The following CAMK2A variants were observed in gnomAD, a reference collection of about 807,000 sequenced individuals.
CAMK2A encodes calcium/calmodulin-dependent protein kinase type II subunit alpha.
Under a neutral mutation model 79.2 loss-of-function variants are expected in CAMK2A, and 7 were observed. The observed-to-expected ratio is 0.09, with a 90% CI of 0.05 to 0.17. CAMK2A has a LOEUF of 0.17. Ranked by LOEUF, CAMK2A falls within the 10% of genes least tolerant of loss-of-function variation. The pLI is 1.00. For missense variants in CAMK2A, 214 were observed against 646.4 expected (o/e 0.33, Z 7.25); for synonymous variants, 242 against 251.7 (o/e 0.96, Z 0.36).
intron 2 of CAMK2A, among the ~76,000 whole-genome samples, chr5:150,269,462 C>G (rs1028112459): frequency 6.6e-6 from 1 of 151,842 alleles, no homozygotes; most frequent in African/African-American, 2.4e-5. Flanking sequence ...ATTCTCCCTC[C>G]TCAGTCTCCC....
chr5:150,262,021 G>A (rs1756324884), intron 3 of CAMK2A, among the ~76,000 whole-genome samples: 1 of 152,184 alleles, frequency 6.6e-6, no homozygotes, highest in African/African-American at 2.4e-5. Context: ...CTGTGCCTTG[G>A]GGTGGCCTTC....
At chr5:150,264,393 G>A (rs977263064) in intron 3 of CAMK2A, among the ~76,000 whole-genome samples, 3 of 152,238 alleles carry the variant, frequency 2.0e-5, no homozygotes, top group South Asian at 2.1e-4. Flanking sequence ...AATTGCACAA[G>A]GGCTGAAGAA....
chr5:150,267,461 C>T (rs11747952), intron 2 of CAMK2A, among the ~76,000 whole-genome samples: 131 of 152,314 alleles, frequency 8.6e-4, no homozygotes, highest in Non-Finnish European at 1.7e-3. Context: ...AAGAAGAAAA[C>T]GCTGGCCATG....
At position 150,256,960 on chromosome 5, in the gene CAMK2A, A is replaced by G. The variant is rs879141846; in HGVS notation, c.273-129T>C. 2.9e-6 allele frequency: 2 copies of G among 693,820 alleles called. No individual in the cohort carries two copies. The highest frequency in any genetic ancestry group is 5.6e-5 in the Admixed American group (2 of 35,612). The allele number at this position is 693,820 out of a possible 1,614,324, so 43.0% of individuals were successfully genotyped here. On this transcript the variant is annotated intron_variant, in intron 4 of 18. Coordinates refer to ENST00000671881, the MANE Select transcript of CAMK2A (RefSeq NM_015981.4). This position sits in a 1 kb window ranked among gnomAD's most constrained non-coding sequence, Gnocchi z 4.6. Reference sequence around the variant, plus strand: ...CCTCAGCCACAAAAGGAGGGGCCCCAGGGTCACGGGGGTGTCCCCTGCTGC... The same window carrying G: ...CCTCAGCCACAAAAGGAGGGGCCCCGGGGTCACGGGGGTGTCCCCTGCTGC...
At chr5:150,265,272 G>A in intron 2 of CAMK2A, 2 of 471,868 alleles carry the variant, frequency 4.2e-6, no homozygotes, top group South Asian at 4.3e-5. Context: ...TCTTAAATGT[G>A]AGGCTTCTCC....
chr5:150,286,838 C>T (rs1018637433), intron 1 of CAMK2A, among the ~76,000 whole-genome samples: 1 of 152,208 alleles, frequency 6.6e-6, no homozygotes, highest in African/African-American at 2.4e-5. Flanking sequence ...TCACTTTCAG[C>T]CTTGCCCAGC....
chr5:150,225,641 G>T (rs1754566293), intron 17 of CAMK2A, among the ~76,000 whole-genome samples: 1 of 152,234 alleles, frequency 6.6e-6, no homozygotes, highest in Non-Finnish European at 1.5e-5. Flanking sequence ...CCAGAGGACA[G>T]ACTGTAAGAT....
At chr5:150,259,014 T>C (rs1459440292) in intron 3 of CAMK2A, among the ~76,000 whole-genome samples, 1 of 151,782 alleles carries the variant, frequency 6.6e-6, no homozygotes, top group Non-Finnish European at 1.5e-5. Context: ...ACCCCATCTC[T>C]ACTAAAAATA....
intron 16 of CAMK2A, among the ~76,000 whole-genome samples, chr5:150,231,009 C>G (rs76544335): frequency 0.052 from 7,852 of 152,210 alleles, 674 homozygotes; most frequent in African/African-American, 0.18. Flanking sequence ...CTGTCCACCC[C>G]CTCTTTCCTT....
At chr5:150,272,736 A>AT (rs2150301754) in intron 2 of CAMK2A, among the ~76,000 whole-genome samples, 1 of 152,054 alleles carries the variant, frequency 6.6e-6, no homozygotes, top group East Asian at 1.9e-4. Context: ...AGGCAGAGGG[A>AT]ATGGCAAGGG....
rs879683145 is a variant in CAMK2A at position 150,259,735 on chromosome 5, G to A, written c.218-2118C>T. Among the ~76,000 whole-genome samples, 8 of 152,020 alleles carry A rather than the reference G, an allele frequency of 5.3e-5. No individual in the cohort carries two copies. In the South Asian group the frequency reaches 6.2e-4, roughly 12 times the overall value. The stretch of plus-strand genomic sequence containing the variant: ...TGTAATCCCAGCACTTTGGGAGGCC[G>A]AGGTGGGCAGATCACCTGAGGTCAG... On this transcript the variant is annotated intron_variant, in intron 3 of 18. Coordinates refer to ENST00000671881, the MANE Select transcript of CAMK2A (RefSeq NM_015981.4).
At chr5:150,245,590 T>C (rs1345969724) in intron 12 of CAMK2A, among the ~76,000 whole-genome samples, 1 of 152,088 alleles carries the variant, frequency 6.6e-6, no homozygotes, top group African/African-American at 2.4e-5. Context: ...GGACACGCCC[T>C]CCCCACCCTG....
intron 15 of CAMK2A, among the ~76,000 whole-genome samples, chr5:150,232,259 A>G (rs1417090973): frequency 6.6e-6 from 1 of 152,252 alleles, no homozygotes; most frequent in East Asian, 1.9e-4. Context: ...AGGTCTGTGA[A>G]ATGGAGATGA....
rs1379065623 is a variant in CAMK2A, at chr5:150,222,657, C to A, written c.*53G>T. On this transcript the variant is annotated 3_prime_UTR_variant, in exon 19 of 19. Transcript: ENST00000671881. ...TGGGAGAACCAGCAGCTCCACTCCA[C>A]GGACAGAGTGGATCTCTGCGGCACA... 6.2e-7 allele frequency: 1 copy of A among 1,600,710 alleles called. No individual in the cohort carries two copies. The highest frequency in any genetic ancestry group is 1.1e-5 in the South Asian group (1 of 90,632).
intron 14 of CAMK2A, among the ~76,000 whole-genome samples, 197 bp from the exon 15 acceptor site, chr5:150,238,945 G>C (rs999231811): frequency 1.3e-5 from 2 of 152,202 alleles, no homozygotes; most frequent in East Asian, 1.9e-4. Context: ...GCCAGGGGCC[G>C]GGTGGGGGAA....
chr5:150,253,953 C>G (rs1282587487), intron 6 of CAMK2A, among the ~76,000 whole-genome samples: 1 of 152,202 alleles, frequency 6.6e-6, no homozygotes, highest in Non-Finnish European at 1.5e-5. Context: ...ATCAACGACC[C>G]TTTCGGGTAG....
intron 13 of CAMK2A, among the ~76,000 whole-genome samples, chr5:150,241,644 T>C (rs555698721): frequency 9.7e-5 from 13 of 133,788 alleles, no homozygotes; most frequent in African/African-American, 4.3e-4. Flanking sequence ...CTCTCCTCCT[T>C]CTTTTCTTCC....
intron 1 of CAMK2A, among the ~76,000 whole-genome samples, chr5:150,285,384 G>A (rs1366582648): frequency 6.6e-6 from 1 of 152,166 alleles, no homozygotes; most frequent in Non-Finnish European, 1.5e-5. Context: ...AGAAAAGCAC[G>A]GCCCCCAGTC....
At position 150,252,028 on chromosome 5, in the gene CAMK2A, C is replaced by A; in HGVS notation, c.552G>T (p.Val184=). The part of the protein sequence containing the change: ...AGTPGYLSPE[V]LRKDPYGKPV... ...GCTTCCCGTACGGGTCCTTCCGCAG[C>A]ACTTCTGGGGAGAGATATCCAGGAG... Residue 184 remains valine (V), a synonymous_variant, in exon 8 of 19, where the codon GTG becomes GTT. Transcript: ENST00000671881. The A allele has an allele frequency of 1.2e-6, 2 of 1,613,956 alleles. No individual in the cohort carries two copies. The highest frequency in any genetic ancestry group is 1.7e-6 in the Non-Finnish European group (2 of 1,179,880).
Sources: allele counts gnomAD v4.1 joint callset (sites outside exome capture counted in the v4.1 genomes callset), GRCh38; gene constraint gnomAD v4.1.1; non-coding constraint Gnocchi (gnomAD v3.1); transcripts MANE v1.5; gene names NCBI Gene and HGNC (gene_info 2026-07-23, HGNC 2026-07-21).